The following LPP variants were observed in gnomAD, a reference collection of about 807,000 sequenced individuals.
The protein encoded by LPP is LIM domain containing preferred translocation partner in lipoma.
A neutral mutation model predicts 60.4 loss-of-function variants in LPP; 38 were observed. The ratio of observed to expected loss-of-function variants is 0.63; its 90% CI spans 0.49 to 0.83. The LOEUF (loss-of-function observed/expected upper bound fraction) is 0.83. Ranked by LOEUF, LPP falls within the 40% of genes least tolerant of loss-of-function variation. The pLI is 0.00. For synonymous variants in LPP, 328 were observed against 290.8 expected (o/e 1.13, Z -1.30); for missense variants, 902 against 783.6 (o/e 1.15, Z -1.80).
intron 7 of LPP, among the ~76,000 whole-genome samples, chr3:188,612,668 T>A (rs1045593129): frequency 2.0e-5 from 3 of 152,064 alleles, no homozygotes; most frequent in African/African-American, 7.2e-5. Context: ...TTATTTTTAA[T>A]TTTTTTTAGT....
rs563881136 is a variant in LPP at position 188,574,160 on chromosome 3, T to G, written c.430-35001T>G. Among the ~76,000 whole-genome samples, 24 of 152,258 alleles carry G rather than the reference T, an allele frequency of 1.6e-4. 1 individual carries two copies. The highest frequency in any genetic ancestry group is 5.8e-4 in the African/African-American group (24 of 41,570). On this transcript the variant is annotated intron_variant, in intron 6 of 11. Coordinates refer to ENST00000617246, the MANE Select transcript of LPP (RefSeq NM_001375462.1). ...TGCCTTCAGCACCCTGGGTTTCCTCTTCAGTGGCATCCAGAGGACCCTGGG... is the reference window on the plus strand; with the variant it reads ...TGCCTTCAGCACCCTGGGTTTCCTCGTCAGTGGCATCCAGAGGACCCTGGG...
At chr3:188,382,204 C>A (rs997308933) in intron 3 of LPP, among the ~76,000 whole-genome samples, 6 of 152,166 alleles carry the variant, frequency 3.9e-5, no homozygotes, top group African/African-American at 1.4e-4. Flanking sequence ...CTAATGCAGG[C>A]CATAGACATT....
intron 3 of LPP, among the ~76,000 whole-genome samples, chr3:188,346,939 T>C (rs1239094564): frequency 6.6e-6 from 1 of 152,220 alleles, no homozygotes; most frequent in Non-Finnish European, 1.5e-5. Context: ...GAGTGATATT[T>C]TAATATTGAA....
chr3:188,700,648 C>T (rs1864218693), intron 7 of LPP, among the ~76,000 whole-genome samples: 1 of 152,146 alleles, frequency 6.6e-6, no homozygotes, highest in African/African-American at 2.4e-5. Flanking sequence ...GTTCAGTAGG[C>T]TGCAGAAACC....
chr3:188,242,002 T>C (rs1577494922), intron 2 of LPP, among the ~76,000 whole-genome samples: 1 of 152,172 alleles, frequency 6.6e-6, no homozygotes, highest in Admixed American at 6.5e-5. Flanking sequence ...CCTCTTGAGT[T>C]ACAGTGAGTG....
intron 9 of LPP, among the ~76,000 whole-genome samples, chr3:188,799,664 C>T (rs761635564): frequency 5.3e-5 from 8 of 152,122 alleles, no homozygotes; most frequent in Non-Finnish European, 7.3e-5. Flanking sequence ...GTGCCTGTTA[C>T]CTTAATTTTA....
intron 9 of LPP, among the ~76,000 whole-genome samples, chr3:188,770,538 A>C (rs1270323159): frequency 6.6e-6 from 1 of 151,684 alleles, no homozygotes; most frequent in Non-Finnish European, 1.5e-5. Flanking sequence ...TGTAGCGTGG[A>C]CTCCATATTA....
chr3:188,685,363 C>T (rs1489942780), intron 7 of LPP, among the ~76,000 whole-genome samples: 2 of 151,842 alleles, frequency 1.3e-5, no homozygotes, highest in Non-Finnish European at 1.5e-5. Flanking sequence ...ATAGTGTGGT[C>T]CACAGCCTCG....
intron 4 of LPP, among the ~76,000 whole-genome samples, chr3:188,418,411 AGCT>A (rs1316071197): frequency 3.3e-5 from 5 of 152,148 alleles, no homozygotes; most frequent in African/African-American, 1.2e-4. Context: ...TTATCTTTCT[AGCT>A]ACTCTGTAAA....
At chr3:188,800,399 C>T (rs1746761487) in intron 9 of LPP, among the ~76,000 whole-genome samples, 1 of 151,828 alleles carries the variant, frequency 6.6e-6, no homozygotes, top group African/African-American at 2.4e-5. Flanking sequence ...GTGTCTGCCA[C>T]CACGCCCGGC....
At chr3:188,683,544 G>A (rs1046487199) in intron 7 of LPP, among the ~76,000 whole-genome samples, 8 of 152,024 alleles carry the variant, frequency 5.3e-5, no homozygotes, top group African/African-American at 1.9e-4. Flanking sequence ...GGTTTCTTAG[G>A]GAAATAGTCT....
chr3:188,592,440 T>TA (rs1332008706), intron 6 of LPP, among the ~76,000 whole-genome samples: 1 of 151,910 alleles, frequency 6.6e-6, no homozygotes, highest in Non-Finnish European at 1.5e-5. Flanking sequence ...AAAATAAAGT[T>TA]ACCAAAACAG....
intron 8 of LPP, among the ~76,000 whole-genome samples, chr3:188,729,096 G>A (rs1413141053): frequency 1.3e-5 from 2 of 152,198 alleles, no homozygotes; most frequent in Non-Finnish European, 2.9e-5. Flanking sequence ...ATGTCTTCAT[G>A]AAGGAATAAA....
intron 4 of LPP, among the ~76,000 whole-genome samples, chr3:188,421,066 G>A (rs1787676561): frequency 1.3e-5 from 2 of 152,150 alleles, no homozygotes; most frequent in African/African-American, 4.8e-5. Flanking sequence ...GCTTGGTGGT[G>A]AGGTGGCTTG....
intron 6 of LPP, among the ~76,000 whole-genome samples, chr3:188,585,172 C>T (rs959387682): frequency 6.6e-6 from 1 of 152,102 alleles, no homozygotes; most frequent in Admixed American, 6.5e-5. Context: ...ACCAGTGACT[C>T]ATTTAGAGAA....
At chr3:188,440,633 T>C (rs2149250440) in intron 4 of LPP, among the ~76,000 whole-genome samples, 1 of 152,358 alleles carries the variant, frequency 6.6e-6, no homozygotes, top group Admixed American at 6.5e-5. Context: ...TGTCAATTCA[T>C]GGTCACATTA....
chr3:188,591,477 C>T (rs1390475137), intron 6 of LPP, among the ~76,000 whole-genome samples: 1 of 152,138 alleles, frequency 6.6e-6, no homozygotes, highest in Non-Finnish European at 1.5e-5. Flanking sequence ...TATTATTGTA[C>T]AAAGTAAAAG....
intron 6 of LPP, among the ~76,000 whole-genome samples, chr3:188,555,439 C>G (rs1399847989): frequency 2.6e-5 from 4 of 152,102 alleles, no homozygotes; most frequent in African/African-American, 9.7e-5. Flanking sequence ...AAATTACAAT[C>G]AAACTCAAAA....
chr3:188,390,926 C>G (rs75459396), intron 3 of LPP, among the ~76,000 whole-genome samples: 1 of 152,126 alleles, frequency 6.6e-6, no homozygotes, highest in South Asian at 2.1e-4. Context: ...TTTTTCTCCT[C>G]GAGGCTTTCT....
Sources: allele counts gnomAD v4.1 joint callset (sites outside exome capture counted in the v4.1 genomes callset), GRCh38; gene constraint gnomAD v4.1.1; transcripts MANE v1.5; gene names NCBI Gene and HGNC (gene_info 2026-07-23, HGNC 2026-07-21).